DSCAM: variants seen among roughly 807,000 people sequenced by gnomAD.
The protein encoded by DSCAM is DS cell adhesion molecule, also known as cell adhesion molecule DSCAM.
DSCAM carries 47 observed loss-of-function variants against 217.7 expected under a neutral mutation model. That is an observed-to-expected ratio of 0.22 (90% CI 0.17 to 0.28). The LOEUF (loss-of-function observed/expected upper bound fraction) is 0.28. Ranked by LOEUF, DSCAM falls within the 10% of genes least tolerant of loss-of-function variation. The probability of loss-of-function intolerance (pLI) is 1.00; values close to 1 mark genes in which losing one functional copy is unlikely to be tolerated. For synonymous variants in DSCAM, 1,056 were observed against 1,015.3 expected, an observed-to-expected ratio of 1.04 and a Z score of -0.76; for missense variants, 2,080 against 2,618.3, an observed-to-expected ratio of 0.79 and a Z score of 4.49.
intron 1 of DSCAM, among the ~76,000 whole-genome samples, chr21:40,840,389 C>T (rs760215202): frequency 2.0e-5 from 3 of 152,028 alleles, no homozygotes; most frequent in Non-Finnish European, 4.4e-5. Flanking sequence ...GCGGAGTGGG[C>T]GGGGAACCTA....
intron 20 of DSCAM, among the ~76,000 whole-genome samples, chr21:40,104,985 C>T (rs1303440160): frequency 6.6e-6 from 1 of 152,140 alleles, no homozygotes; most frequent in Admixed American, 6.5e-5. Context: ...AATGCTACCT[C>T]AAAGCTAGAA....
chr21:40,139,465 G>A (rs561444211), intron 18 of DSCAM, among the ~76,000 whole-genome samples: 5 of 152,124 alleles, frequency 3.3e-5, no homozygotes, highest in African/African-American at 4.8e-5. Context: ...GAGGGGAAGG[G>A]TTGCGTTCTT....
chr21:40,609,717 T>A (rs2837743), intron 3 of DSCAM, among the ~76,000 whole-genome samples: 17,811 of 152,230 alleles, frequency 0.12, 1,248 homozygotes, highest in African/African-American at 0.19. Context: ...AAAAAGATGT[T>A]GGGAAATATC....
At chr21:40,227,303 C>T (rs2091341981) in intron 11 of DSCAM, among the ~76,000 whole-genome samples, 1 of 152,202 alleles carries the variant, frequency 6.6e-6, no homozygotes, top group African/African-American at 2.4e-5. Context: ...CAGGTGCATC[C>T]TGTGAGAATC....
At chr21:40,648,107 A>C (rs1247991553) in intron 3 of DSCAM, among the ~76,000 whole-genome samples, 3 of 152,226 alleles carry the variant, frequency 2.0e-5, no homozygotes, top group African/African-American at 7.2e-5. Flanking sequence ...TGGAAAAGTA[A>C]AATAAAAGAC....
chr21:40,693,405 C>G (rs894782594), intron 2 of DSCAM, among the ~76,000 whole-genome samples: 4 of 151,936 alleles, frequency 2.6e-5, no homozygotes, highest in African/African-American at 9.7e-5. Flanking sequence ...TGCACCCAGC[C>G]TGGGTGAAGA....
chr21:40,486,003 C>G (rs557591923), intron 3 of DSCAM, among the ~76,000 whole-genome samples: 1 of 152,242 alleles, frequency 6.6e-6, no homozygotes, highest in East Asian at 1.9e-4. Flanking sequence ...GTTTTTAAGG[C>G]AGCTTACAAA....
chr21:40,730,919 T>C (rs919115379), intron 1 of DSCAM, among the ~76,000 whole-genome samples: 18 of 152,184 alleles, frequency 1.2e-4, no homozygotes, highest in Non-Finnish European at 1.5e-4. Context: ...GTTTAGCCCA[T>C]AGAAAGTAAA....
chr21:40,228,989 C>T (rs79395594), intron 11 of DSCAM, among the ~76,000 whole-genome samples: 6,169 of 152,262 alleles, frequency 0.041, 219 homozygotes, highest in South Asian at 0.098. Context: ...GTCTCTAAGT[C>T]TAATCAGGTA....
chr21:40,061,419 A>G (rs1427755886), intron 28 of DSCAM, among the ~76,000 whole-genome samples: 1 of 151,972 alleles, frequency 6.6e-6, no homozygotes, highest in Non-Finnish European at 1.5e-5. Context: ...AAATACAAAA[A>G]TCAGCCAGGC....
intron 3 of DSCAM, among the ~76,000 whole-genome samples, chr21:40,626,114 TGATTTTTAGGAGGGAAGGCA>T (rs1301462610): frequency 6.6e-6 from 1 of 152,114 alleles, no homozygotes; most frequent in Non-Finnish European, 1.5e-5. Flanking sequence ...GACCGATTCC[TGATTTTTAGGAGGGAAGGCA>T]GAGTTGGGAA....
At chr21:40,510,852 C>T (rs933896464) in intron 3 of DSCAM, among the ~76,000 whole-genome samples, 1 of 152,158 alleles carries the variant, frequency 6.6e-6, no homozygotes, top group East Asian at 1.9e-4. Context: ...ACCCAGGGAC[C>T]GCATGTTGCC....
chr21:40,135,014 C>T (rs780118160), intron 18 of DSCAM, among the ~76,000 whole-genome samples: 1 of 152,220 alleles, frequency 6.6e-6, no homozygotes, highest in Non-Finnish European at 1.5e-5. Flanking sequence ...GCGCTCTCAA[C>T]TCCAGCATAT....
At chr21:40,014,097 A>G (rs1181626712) in intron 32 of DSCAM, among the ~76,000 whole-genome samples, 16 of 152,208 alleles carry the variant, frequency 1.1e-4, no homozygotes, top group Non-Finnish European at 2.2e-4. Context: ...CTCCTTCAAG[A>G]GCATCTGCTG....
At chr21:40,621,945 A>AG in intron 3 of DSCAM, among the ~76,000 whole-genome samples, 1 of 145,962 alleles carries the variant, frequency 6.9e-6, no homozygotes, top group Admixed American at 6.8e-5. Flanking sequence ...AGGAAGAAAA[A>AG]AGAAAGGAAG....
At chr21:40,597,042 T>C (rs1250901529) in intron 3 of DSCAM, among the ~76,000 whole-genome samples, 4 of 152,232 alleles carry the variant, frequency 2.6e-5, no homozygotes, top group East Asian at 1.9e-4. Flanking sequence ...ATTAAGATTA[T>C]AGCTGTTTAC....
chr21:40,224,154 C>T (rs1029614819), intron 11 of DSCAM, among the ~76,000 whole-genome samples: 1 of 152,078 alleles, frequency 6.6e-6, no homozygotes, highest in Admixed American at 6.5e-5. Flanking sequence ...TTTAAATATC[C>T]TATGATTCAG....
At chr21:40,149,833 CACT>C (rs1469012301) in intron 16 of DSCAM, among the ~76,000 whole-genome samples, 2 of 150,714 alleles carry the variant, frequency 1.3e-5, no homozygotes, top group Non-Finnish European at 3.0e-5. Flanking sequence ...ACACCAACAC[CACT>C]GTCACCACAA....
At chr21:40,196,488 C>T (rs936964538) in intron 11 of DSCAM, among the ~76,000 whole-genome samples, 5 of 152,228 alleles carry the variant, frequency 3.3e-5, no homozygotes, top group Middle Eastern at 3.4e-3. Flanking sequence ...GTTTCCCAGA[C>T]GATCCTAAAA....
Sources: allele counts gnomAD v4.1 joint callset (sites outside exome capture counted in the v4.1 genomes callset), GRCh38; gene constraint gnomAD v4.1.1; transcripts MANE v1.5; gene names NCBI Gene and HGNC (gene_info 2026-07-23, HGNC 2026-07-21).